Variants in FAM117B observed in about 807,000 individuals in gnomAD.
FAM117B encodes the protein protein FAM117B.
Under a neutral mutation model 52.8 loss-of-function variants are expected in FAM117B, and 22 were observed. That is an observed-to-expected ratio of 0.42 (90% CI 0.30 to 0.59). The LOEUF (loss-of-function observed/expected upper bound fraction) is 0.59, where lower values mean the gene tolerates loss of function less well. Ranked by LOEUF, FAM117B falls within the 20% of genes least tolerant of loss-of-function variation. The pLI is 0.22. For synonymous variants in FAM117B, 309 were observed against 324.1 expected (o/e 0.95, Z 0.50); for missense variants, 678 against 802.6 (o/e 0.84, Z 1.88).
chr2:202,689,629 T>C (rs1216813925), intron 1 of FAM117B, among the ~76,000 whole-genome samples: 1 of 151,634 alleles, frequency 6.6e-6, no homozygotes, highest in Non-Finnish European at 1.5e-5. Flanking sequence ...TTTAAGACAA[T>C]ACCTGAGGCC....
chr2:202,729,111 G>C (rs1196866412), intron 4 of FAM117B, among the ~76,000 whole-genome samples: 1 of 152,196 alleles, frequency 6.6e-6, no homozygotes, highest in Admixed American at 6.5e-5. Flanking sequence ...GCTAAGGTGG[G>C]TGGATCACCT....
chr2:202,728,808 AAAG>A (rs1254074612), intron 4 of FAM117B, among the ~76,000 whole-genome samples: 28 of 152,204 alleles, frequency 1.8e-4, no homozygotes, highest in African/African-American at 6.3e-4. Context: ...TTTACTTAAT[AAAG>A]ATTATTGGAA....
At chr2:202,659,796 T>G (rs1690103055) in intron 1 of FAM117B, among the ~76,000 whole-genome samples, 1 of 151,582 alleles carries the variant, frequency 6.6e-6, no homozygotes, top group Non-Finnish European at 1.5e-5. Context: ...TTTTATTTCA[T>G]TTTTAGTAGA....
intron 4 of FAM117B, among the ~76,000 whole-genome samples, chr2:202,735,358 A>G (rs1343020640): frequency 6.6e-6 from 1 of 152,226 alleles, no homozygotes; most frequent in Non-Finnish European, 1.5e-5. Context: ...GATTTTTACT[A>G]GGAAATTAAT....
At chr2:202,637,345 T>G (rs2105749644) in intron 1 of FAM117B, among the ~76,000 whole-genome samples, 1 of 150,906 alleles carries the variant, frequency 6.6e-6, no homozygotes, top group South Asian at 2.1e-4. Context: ...GCAACCATGG[T>G]CTCCTGGGTT....
intron 1 of FAM117B, among the ~76,000 whole-genome samples, chr2:202,666,724 A>G (rs961180620): frequency 3.5e-5 from 5 of 142,662 alleles, no homozygotes; most frequent in African/African-American, 1.3e-4. Context: ...GCCAGAGTGC[A>G]GTGGCGCGAT....
At chr2:202,741,647 C>T (rs2105793579) in intron 4 of FAM117B, among the ~76,000 whole-genome samples, 1 of 152,006 alleles carries the variant, frequency 6.6e-6, no homozygotes, top group Middle Eastern at 3.4e-3. Flanking sequence ...TGCCATTCTC[C>T]TGCCTCAGCC....
At chr2:202,641,954 T>C (rs1021474521) in intron 1 of FAM117B, among the ~76,000 whole-genome samples, 1 of 150,074 alleles carries the variant, frequency 6.7e-6, no homozygotes, top group African/African-American at 2.5e-5. Context: ...TTTCTTTTTT[T>C]TTTTTTTTAT....
At chr2:202,742,256 GA>G (rs1428477814) in intron 4 of FAM117B, among the ~76,000 whole-genome samples, 1 of 152,188 alleles carries the variant, frequency 6.6e-6, no homozygotes, top group Non-Finnish European at 1.5e-5. Flanking sequence ...CTGTGAAAAG[GA>G]AAAACTATGA....
At chr2:202,688,227 A>G (rs1008222348) in intron 1 of FAM117B, among the ~76,000 whole-genome samples, 56 of 152,210 alleles carry the variant, frequency 3.7e-4, no homozygotes, top group Non-Finnish European at 1.6e-4. Context: ...ATCAAGGAGT[A>G]TGAATTTCAA....
intron 2 of FAM117B, among the ~76,000 whole-genome samples, chr2:202,717,572 G>T (rs1010060405): frequency 2.0e-5 from 3 of 152,312 alleles, no homozygotes; most frequent in African/African-American, 7.2e-5. Flanking sequence ...TAGATATACT[G>T]CCTTGACAAT....
rs539187347 is a variant in FAM117B, at chr2:202,640,295, A to AATATATATATAT, written c.601+4544_601+4555dup. Among the ~76,000 whole-genome samples, 178 of 51,252 alleles carry AATATATATATAT rather than the reference A, an allele frequency of 3.5e-3. 10 individuals are homozygous for AATATATATATAT. The highest frequency in any genetic ancestry group is 4.3e-3 in the Non-Finnish European group (126 of 29,178). The allele number at this position is 51,252 out of a possible 152,430, so 33.6% of individuals were successfully genotyped here. ...ACAACAACCACCACCACCACCACAA[A>AATATATATATAT]ATATATATATATATATATATATATA... On this transcript the variant is annotated intron_variant, in intron 1 of 7. Coordinates refer to ENST00000392238, the MANE Select transcript of FAM117B (RefSeq NM_173511.4).
intron 5 of FAM117B, 33 bp from the exon 6 acceptor site, chr2:202,757,180 A>G: frequency 6.3e-7 from 1 of 1,594,852 alleles, no homozygotes; most frequent in East Asian, 2.3e-5. Flanking sequence ...AATTAATTAT[A>G]AATATACCTA....
At chr2:202,642,783 G>A (rs536353902) in intron 1 of FAM117B, among the ~76,000 whole-genome samples, 3 of 152,238 alleles carry the variant, frequency 2.0e-5, no homozygotes, top group South Asian at 2.1e-4. Flanking sequence ...GGCAACACTC[G>A]AAATGACTAA....
chr2:202,668,412 C>T (rs964205312), intron 1 of FAM117B, among the ~76,000 whole-genome samples: 142 of 145,862 alleles, frequency 9.7e-4, no homozygotes, highest in African/African-American at 3.3e-3. Flanking sequence ...CCTGTAATCC[C>T]AGCTACTTCG....
At chr2:202,705,405 A>T (rs1690857198) in intron 2 of FAM117B, among the ~76,000 whole-genome samples, 1 of 152,202 alleles carries the variant, frequency 6.6e-6, no homozygotes, top group Non-Finnish European at 1.5e-5. Context: ...TGCTTTGGTC[A>T]TGAGAATGAG....
At chr2:202,645,694 C>G (rs907139351) in intron 1 of FAM117B, among the ~76,000 whole-genome samples, 29 of 151,728 alleles carry the variant, frequency 1.9e-4, no homozygotes, top group Admixed American at 1.9e-3. Flanking sequence ...ACCTCCGCCT[C>G]CCGGGTTCAA....
Position 202,766,347 on chromosome 2 carries a change from C to T in FAM117B, c.*583C>T, listed in dbSNP as rs1302871471. The stretch of plus-strand genomic sequence containing the variant: ...GGATTGTTGACGTTTTCCCAGCAAT[C>T]TTAATCTCATGACTATGTTCTTCTC... On this transcript the variant is annotated 3_prime_UTR_variant, in exon 8 of 8. Coordinates refer to ENST00000392238, the MANE Select transcript of FAM117B (RefSeq NM_173511.4). 6.5e-6 allele frequency: 1 copy of T among 152,858 alleles called. No homozygotes were observed. The highest frequency in any genetic ancestry group is 2.4e-5 in the African/African-American group (1 of 41,430). 9.5% of individuals were successfully genotyped at this position (152,858 alleles called of 1,614,324 possible).
At chr2:202,636,252 G>A (rs1689685137) in intron 1 of FAM117B, among the ~76,000 whole-genome samples, 1 of 152,206 alleles carries the variant, frequency 6.6e-6, no homozygotes, top group African/African-American at 2.4e-5. Context: ...TTCAGATCTG[G>A]GGTACTGAAT....
Sources: gnomAD v4.1 joint callset for allele counts (sites outside exome capture counted in the v4.1 genomes callset) on GRCh38, gnomAD v4.1.1 for gene constraint, MANE v1.5 for transcripts, NCBI Gene and HGNC (gene_info 2026-07-23, HGNC 2026-07-21) for gene names.